Variants in RRAS2 observed in about 807,000 individuals in gnomAD.
The protein encoded by RRAS2 is ras-related protein R-Ras2.
Under a neutral mutation model 27.6 loss-of-function variants are expected in RRAS2, and 7 were observed. That is an observed-to-expected ratio of 0.25 (90% CI 0.14 to 0.48). The LOEUF (loss-of-function observed/expected upper bound fraction) is 0.48. Ranked by LOEUF, RRAS2 falls within the 20% of genes least tolerant of loss-of-function variation. The probability of loss-of-function intolerance (pLI) is 0.99; values close to 1 mark genes in which losing one functional copy is unlikely to be tolerated. For missense variants in RRAS2, 178 were observed against 256.2 expected (o/e 0.69, Z 2.08); for synonymous variants, 86 against 90.9 (o/e 0.95, Z 0.31).
intron 4 of RRAS2, among the ~76,000 whole-genome samples, chr11:14,285,001 G>C (rs1379806761): frequency 2.0e-5 from 3 of 152,042 alleles, no homozygotes; most frequent in African/African-American, 7.2e-5. Flanking sequence ...CATTTAATGT[G>C]CTCATGGATA....
At chr11:14,299,709 A>G (rs782652913) in intron 1 of RRAS2, among the ~76,000 whole-genome samples, 32 of 152,288 alleles carry the variant, frequency 2.1e-4, no homozygotes, top group Non-Finnish European at 4.4e-4. Context: ...GATACTCCAT[A>G]AAGACAAGGT....
chr11:14,329,243 T>C (rs1848437197), intron 1 of RRAS2, among the ~76,000 whole-genome samples: 1 of 151,940 alleles, frequency 6.6e-6, no homozygotes, highest in Non-Finnish European at 1.5e-5. Context: ...GCCTCCCAAG[T>C]AGCTGGGATT....
At chr11:14,326,513 C>T (rs994283155) in intron 1 of RRAS2, among the ~76,000 whole-genome samples, 2 of 152,058 alleles carry the variant, frequency 1.3e-5, no homozygotes, top group Non-Finnish European at 2.9e-5. Context: ...TGTAAATATA[C>T]AAACATAAAA....
At chr11:14,353,097 C>T (rs145828577) in intron 1 of RRAS2, among the ~76,000 whole-genome samples, 1 of 152,126 alleles carries the variant, frequency 6.6e-6, no homozygotes, top group Non-Finnish European at 1.5e-5. Flanking sequence ...CCGTGCCCAG[C>T]TAAAATTTTT....
At chr11:14,285,924 C>G (rs2133948824) in intron 4 of RRAS2, among the ~76,000 whole-genome samples, 1 of 151,596 alleles carries the variant, frequency 6.6e-6, no homozygotes, top group South Asian at 2.1e-4. Flanking sequence ...TTATAATTTT[C>G]TTCATATTTC....
chr11:14,281,857 C>T, intron 4 of RRAS2, 137 bp from the exon 5 acceptor site: 1 of 685,566 alleles, frequency 1.5e-6, no homozygotes, highest in East Asian at 2.8e-5. Context: ...ACAGACTTAA[C>T]AGCTCAAGAT....
chr11:14,353,176 A>C (rs1554955009), intron 1 of RRAS2, among the ~76,000 whole-genome samples: 1 of 152,112 alleles, frequency 6.6e-6, no homozygotes, highest in Admixed American at 6.5e-5. Flanking sequence ...TTATTTTCCT[A>C]ACTGAATGGA....
chr11:14,282,611 T>C (rs1181430298), intron 4 of RRAS2, among the ~76,000 whole-genome samples: 7 of 151,798 alleles, frequency 4.6e-5, no homozygotes, highest in African/African-American at 1.2e-4. Context: ...ATGGCTATTA[T>C]TACAAAAGTA....
chr11:14,358,876 CG>C lies in RRAS2; in HGVS notation c.-7del. 1 of 1,446,226 alleles carries C rather than the reference CG, an allele frequency of 6.9e-7. No individual in the cohort carries two copies. Among genetic ancestry groups the C allele is most frequent in the Non-Finnish European group, 9.2e-7 (1 of 1,090,720 alleles). The allele number at this position is 1,446,226 out of a possible 1,614,324, so 89.6% of individuals were successfully genotyped here. A position where few individuals can be genotyped will look rare whatever the true frequency, so the allele number is the denominator to read the frequency against. On this transcript the variant is annotated 5_prime_UTR_variant, in exon 1 of 6. Transcript: ENST00000256196. This position sits in a 1 kb window ranked among gnomAD's most constrained non-coding sequence, Gnocchi z 5.1. ...CGCCAGCCGGCCGCGGCCATGGGGACGCTACAGAGCCCAGCCTGACTGCGCC... is the reference window on the plus strand; with the variant it reads ...CGCCAGCCGGCCGCGGCCATGGGGACCTACAGAGCCCAGCCTGACTGCGCC...
chr11:14,299,374 T>A (rs928391415), intron 1 of RRAS2, among the ~76,000 whole-genome samples: 1 of 152,182 alleles, frequency 6.6e-6, no homozygotes, highest in Non-Finnish European at 1.5e-5. Context: ...ACTACACAGT[T>A]AATTTACATA....
intron 1 of RRAS2, among the ~76,000 whole-genome samples, chr11:14,317,224 C>G (rs1310446813): frequency 2.0e-5 from 3 of 152,214 alleles, no homozygotes; most frequent in Non-Finnish European, 4.4e-5. Flanking sequence ...ATACACCTTA[C>G]CAAGAACAGA....
intron 1 of RRAS2, among the ~76,000 whole-genome samples, chr11:14,340,511 G>C (rs1848682480): frequency 6.6e-6 from 1 of 152,078 alleles, no homozygotes; most frequent in Admixed American, 6.5e-5. Context: ...TTATTAAAAA[G>C]TCTTAACAGA....
intron 5 of RRAS2, among the ~76,000 whole-genome samples, chr11:14,281,131 G>A (rs554572958): frequency 1.3e-5 from 2 of 152,318 alleles, no homozygotes; most frequent in East Asian, 3.9e-4. Flanking sequence ...ACAGGCTCTG[G>A]AATCAGAGGT....
chr11:14,330,955 T>G (rs1390093240), intron 1 of RRAS2, among the ~76,000 whole-genome samples: 1 of 152,236 alleles, frequency 6.6e-6, no homozygotes, highest in African/African-American at 2.4e-5. Flanking sequence ...AGTTCACTGT[T>G]GCTCAGGGTG....
At chr11:14,357,674 G>A (rs972189186) in intron 1 of RRAS2, among the ~76,000 whole-genome samples, 2 of 152,146 alleles carry the variant, frequency 1.3e-5, no homozygotes, top group Admixed American at 1.3e-4. Flanking sequence ...AGTGAAATAA[G>A]CTATTCAGGT....
At chr11:14,346,922 A>T (rs1173331888) in intron 1 of RRAS2, among the ~76,000 whole-genome samples, 2 of 152,210 alleles carry the variant, frequency 1.3e-5, no homozygotes, top group Non-Finnish European at 2.9e-5. Context: ...TGGGAGGCCA[A>T]GGTGGGAGGA....
At chr11:14,303,740 T>A (rs1384498358) in intron 1 of RRAS2, among the ~76,000 whole-genome samples, 1 of 152,152 alleles carries the variant, frequency 6.6e-6, no homozygotes, top group Non-Finnish European at 1.5e-5. Flanking sequence ...GGTCCTGTCA[T>A]CATCTCTCTC....
intron 1 of RRAS2, among the ~76,000 whole-genome samples, chr11:14,308,572 A>C (rs1847883574): frequency 6.6e-6 from 1 of 152,172 alleles, no homozygotes; most frequent in Non-Finnish European, 1.5e-5. Flanking sequence ...CCTTGTTTTA[A>C]ATTTGTGGAA....
At position 14,359,127 on chromosome 11, in the gene RRAS2, C is replaced by T; in HGVS notation, c.-257G>A. On this transcript the variant is annotated 5_prime_UTR_variant, in exon 1 of 6. Coordinates refer to ENST00000256196, the MANE Select transcript of RRAS2 (RefSeq NM_012250.6). ...AGCGGCCGGGGGGCGCGCTCCTCTA[C>T]GCGTCTCCGCAGCGCCTGCCGAACG... is the stretch of plus-strand genomic sequence containing the variant. 2 of 1,039,282 alleles carry T rather than the reference C, an allele frequency of 1.9e-6. No homozygotes were observed. The highest frequency in any genetic ancestry group is 1.2e-6 in the Non-Finnish European group (1 of 865,902). The allele number at this position is 1,039,282 out of a possible 1,614,324, so 64.4% of individuals were successfully genotyped here. A position where few individuals can be genotyped will look rare whatever the true frequency, so the allele number is the denominator to read the frequency against.
Sources: allele counts gnomAD v4.1 joint callset (sites outside exome capture counted in the v4.1 genomes callset), GRCh38; gene constraint gnomAD v4.1.1; non-coding constraint Gnocchi (gnomAD v3.1); transcripts MANE v1.5; gene names NCBI Gene and HGNC (gene_info 2026-07-23, HGNC 2026-07-21).